The following CD82 variants were observed in gnomAD, a reference collection of about 807,000 sequenced individuals.
The protein encoded by CD82 is CD82 antigen.
Under a neutral mutation model 37.4 loss-of-function variants are expected in CD82, and 36 were observed. That is an observed-to-expected ratio of 0.96 (90% CI 0.74 to 1.27). CD82 has a LOEUF of 1.27. Ranked by LOEUF, CD82 falls within the 50% of genes most tolerant of loss-of-function variation. The pLI, the probability that CD82 is intolerant of heterozygous loss-of-function variation, is 0.00. For missense variants in CD82, 340 were observed against 347.0 expected (o/e 0.98, Z 0.16); for synonymous variants, 158 against 137.4 (o/e 1.15, Z -1.05).
At chr11:44,603,577 C>T (rs1853344033) in intron 4 of CD82, among the ~76,000 whole-genome samples, 2 of 152,066 alleles carry the variant, frequency 1.3e-5, no homozygotes, top group Admixed American at 1.3e-4. Flanking sequence ...CAAGCATCTG[C>T]ATCCCTAAGA....
At chr11:44,605,586 G>T in intron 6 of CD82, 157 bp downstream of exon 6, 1 of 688,526 alleles carries the variant, frequency 1.5e-6, no homozygotes, top group Non-Finnish European at 2.5e-6. Context: ...GTGATCAAAT[G>T]GGGGAGCGTT....
At chr11:44,598,193 C>A (rs1015265273) in intron 3 of CD82, among the ~76,000 whole-genome samples, 3 of 151,932 alleles carry the variant, frequency 2.0e-5, no homozygotes, top group African/African-American at 7.3e-5. Context: ...CACTGGGGGG[C>A]AGACGTGGGG....
intron 4 of CD82, among the ~76,000 whole-genome samples, chr11:44,602,680 A>T (rs534851172): frequency 1.1e-4 from 17 of 151,966 alleles, no homozygotes; most frequent in Middle Eastern, 3.4e-3. Flanking sequence ...GTGAAAAAAA[A>T]ATTTTTTTTT....
At chr11:44,574,844 G>A (rs948178285) in intron 1 of CD82, among the ~76,000 whole-genome samples, 1 of 152,188 alleles carries the variant, frequency 6.6e-6, no homozygotes, top group African/African-American at 2.4e-5. Flanking sequence ...TCCCAGCTCT[G>A]TAGTATTGCA....
chr11:44,605,537 C>A (rs1565092024), intron 6 of CD82, 108 bp downstream of exon 6: 19 of 981,486 alleles, frequency 1.9e-5, no homozygotes, highest in Non-Finnish European at 3.0e-5. Flanking sequence ...CAGACAGATC[C>A]AGTAGGTGTC....
At chr11:44,584,109 A>C (rs2134637255) in intron 1 of CD82, among the ~76,000 whole-genome samples, 1 of 152,060 alleles carries the variant, frequency 6.6e-6, no homozygotes, top group African/African-American at 2.4e-5. Flanking sequence ...GCTGACAGTG[A>C]CCCCAAAGCT....
At position 44,619,237 on chromosome 11, in the gene CD82, G is replaced by A. The variant is rs1043378277; in HGVS notation, c.*111G>A. On this transcript the variant is annotated 3_prime_UTR_variant, in exon 10 of 10. Coordinates refer to ENST00000227155, the MANE Select transcript of CD82 (RefSeq NM_002231.4). Reference sequence around the variant, plus strand: ...CCCACTTCACTGCGAAGACCCTCTTGCCCATCCTGACTGAAAGTAGGGGGC... The same window carrying A: ...CCCACTTCACTGCGAAGACCCTCTTACCCATCCTGACTGAAAGTAGGGGGC... 6 of 861,302 alleles carry A rather than the reference G, an allele frequency of 7.0e-6. No homozygotes were observed. Among genetic ancestry groups the A allele is most frequent in the African/African-American group, 3.3e-5 (2 of 60,742 alleles). 53.4% of individuals were successfully genotyped at this position (861,302 alleles called of 1,614,324 possible). A position where few individuals can be genotyped will look rare whatever the true frequency, so the allele number is the denominator to read the frequency against.
At chr11:44,570,369 C>T (rs1852797026) in intron 1 of CD82, among the ~76,000 whole-genome samples, 1 of 152,254 alleles carries the variant, frequency 6.6e-6, no homozygotes, top group African/African-American at 2.4e-5. Flanking sequence ...GATCCTGCCA[C>T]TTTGTGGTGT....
At chr11:44,615,625 G>T (rs561065220) in intron 7 of CD82, among the ~76,000 whole-genome samples, 3 of 152,330 alleles carry the variant, frequency 2.0e-5, no homozygotes, top group Non-Finnish European at 2.9e-5. Flanking sequence ...GGGGGCAGTT[G>T]TCAGCCCTCT....
chr11:44,591,317 G>C (rs545569226), intron 2 of CD82, among the ~76,000 whole-genome samples: 34 of 152,276 alleles, frequency 2.2e-4, no homozygotes, highest in African/African-American at 7.7e-4. Context: ...CTGTGCCTCT[G>C]TTTGCATGTA....
At chr11:44,593,005 T>G (rs1320056776) in intron 2 of CD82, among the ~76,000 whole-genome samples, 1 of 152,148 alleles carries the variant, frequency 6.6e-6, no homozygotes, top group Admixed American at 6.5e-5. Context: ...AAAAGGCACT[T>G]AAAGAAAACT....
intron 7 of CD82, 78 bp downstream of exon 7, chr11:44,615,451 G>T (rs1853550559): frequency 3.4e-6 from 3 of 876,848 alleles, no homozygotes; most frequent in Non-Finnish European, 5.7e-6. Flanking sequence ...CCACATGTCT[G>T]GGACTGGCAT....
At chr11:44,579,001 C>T (rs906945545) in intron 1 of CD82, among the ~76,000 whole-genome samples, 3 of 152,152 alleles carry the variant, frequency 2.0e-5, no homozygotes, top group African/African-American at 4.8e-5. Flanking sequence ...TAGCCGCTGC[C>T]AGCTGAGGTC....
rs187357191 is a variant in CD82, at chr11:44,611,466, G to T, written c.337-3806G>T. ...CAAGCCCATCTCTGAACCACTCGCC[G>T]TGCCTGTGATGTGGATGGCACTGAG... is the stretch of plus-strand genomic sequence containing the variant. On this transcript the variant is annotated intron_variant, in intron 6 of 9. Coordinates refer to ENST00000227155, the MANE Select transcript of CD82 (RefSeq NM_002231.4). Among the ~76,000 whole-genome samples the T allele has an allele frequency of 1.5e-3, 221 of 152,370 alleles. 1 individual carries two copies. The highest frequency in any genetic ancestry group is 0.014 in the Middle Eastern group (4 of 294).
chr11:44,590,683 G>T (rs894171331), intron 2 of CD82, among the ~76,000 whole-genome samples: 10 of 151,458 alleles, frequency 6.6e-5, no homozygotes, highest in Non-Finnish European at 1.5e-5. Flanking sequence ...CAGGGGGCTG[G>T]ATTTGGTCTG....
chr11:44,619,689 C>G lies in CD82; in HGVS notation c.*563C>G. 1 of 146,302 alleles carries G rather than the reference C, an allele frequency of 6.8e-6. No homozygotes were observed. The highest frequency in any genetic ancestry group is 2.0e-4 in the East Asian group (1 of 4,902). 9.1% of individuals were successfully genotyped at this position (146,302 alleles called of 1,614,324 possible). A position where few individuals can be genotyped will look rare whatever the true frequency, so the allele number is the denominator to read the frequency against. On this transcript the variant is annotated 3_prime_UTR_variant, in exon 10 of 10. Transcript: ENST00000227155. ...CTGAGGCAGGAGAATGGTGTGAACC[C>G]GGGAGCGGAGGTTGCAGTGAGCTGA...
intron 7 of CD82, among the ~76,000 whole-genome samples, chr11:44,616,957 A>T (rs1427611317): frequency 6.6e-6 from 1 of 152,036 alleles, no homozygotes; most frequent in Non-Finnish European, 1.5e-5. Context: ...TTTCTTGGAG[A>T]GAGGAGGCAG....
chr11:44,585,153 A>G (rs1055974264), intron 1 of CD82: 11 of 455,352 alleles, frequency 2.4e-5, no homozygotes, highest in Non-Finnish European at 4.4e-5. Context: ...CCCCTTACCC[A>G]GGAGCAGCAG....
At chr11:44,616,587 AGT>A (rs1853567820) in intron 7 of CD82, among the ~76,000 whole-genome samples, 1 of 152,166 alleles carries the variant, frequency 6.6e-6, no homozygotes, top group Admixed American at 6.5e-5. Context: ...CAAGGCCTGG[AGT>A]GCTAACACTG....
Sources: allele counts gnomAD v4.1 joint callset (sites outside exome capture counted in the v4.1 genomes callset), GRCh38; gene constraint gnomAD v4.1.1; transcripts MANE v1.5; gene names NCBI Gene and HGNC (gene_info 2026-07-23, HGNC 2026-07-21).